Variants in OTOP1 observed in about 807,000 individuals in gnomAD.
OTOP1 encodes the protein otopetrin 1, also known as proton channel OTOP1.
A neutral mutation model predicts 52.9 loss-of-function variants in OTOP1; 59 were observed. The observed-to-expected ratio is 1.12, with a 90% CI of 0.91 to 1.39. The LOEUF (loss-of-function observed/expected upper bound fraction) is 1.39. Among genes scored for constraint, OTOP1 ranks in the 40% most tolerant of loss-of-function variants. The pLI, the probability that OTOP1 is intolerant of heterozygous loss-of-function variation, is 0.00. For synonymous variants in OTOP1, 317 were observed against 337.7 expected (o/e 0.94, Z 0.67); for missense variants, 761 against 800.9 (o/e 0.95, Z 0.60).
At chr4:4,220,105 A>ATATATTT (rs1434375771) in intron 1 of OTOP1, among the ~76,000 whole-genome samples, 11 of 59,394 alleles carry the variant, frequency 1.9e-4, no homozygotes, top group African/African-American at 4.6e-4. Flanking sequence ...ATATATATAT[A>ATATATTT]TTTTTTTTTT....
At position 4,211,025 on chromosome 4, in the gene OTOP1, C is replaced by T. The variant is rs1443386446; in HGVS notation, c.540+1843G>A. On this transcript the variant is annotated intron_variant, in intron 2 of 5. Coordinates refer to ENST00000296358, the MANE Select transcript of OTOP1 (RefSeq NM_177998.3). ...TAACAGCTTTCAAGTGCAAGGCAGCCCCTCCAAATGAGCCCCTCAGCAAGC... is the reference window on the plus strand; with the variant it reads ...TAACAGCTTTCAAGTGCAAGGCAGCTCCTCCAAATGAGCCCCTCAGCAAGC... Among the ~76,000 whole-genome samples the T allele has an allele frequency of 2.6e-5, 4 of 152,136 alleles. No homozygotes were observed. In the East Asian group the frequency reaches 7.7e-4, roughly 29 times the overall value.
chr4:4,206,022 C>A, intron 3 of OTOP1, 50 bp downstream of exon 3: 1 of 1,501,666 alleles, frequency 6.7e-7, no homozygotes, highest in South Asian at 1.1e-5. Flanking sequence ...TTTGAAAATT[C>A]TAAATGAATG....
chr4:4,217,549 C>T (rs1240642509), intron 1 of OTOP1, among the ~76,000 whole-genome samples: 1 of 152,062 alleles, frequency 6.6e-6, no homozygotes, highest in African/African-American at 2.4e-5. Context: ...AGGCATTGTC[C>T]CAGGCATTGA....
intron 2 of OTOP1, among the ~76,000 whole-genome samples, chr4:4,207,850 AGAT>A (rs1341891433): frequency 6.6e-6 from 1 of 152,224 alleles, no homozygotes; most frequent in Non-Finnish European, 1.5e-5. Flanking sequence ...CTTTCATTAC[AGAT>A]GATTTTGAGG....
At chr4:4,221,610 A>C (rs1163970499) in intron 1 of OTOP1, among the ~76,000 whole-genome samples, 1 of 152,034 alleles carries the variant, frequency 6.6e-6, no homozygotes, top group Non-Finnish European at 1.5e-5. Context: ...GCTAAGTCTC[A>C]CAGGTCATGC....
Position 4,202,472 on chromosome 4 carries a change from G to C in OTOP1, c.706C>G (p.Leu236Val). 2 of 1,613,988 alleles carry C rather than the reference G, an allele frequency of 1.2e-6. No homozygotes were observed. Among genetic ancestry groups the C allele is most frequent in the East Asian group, 2.2e-5 (1 of 44,868 alleles). ...LNEHKERLIT[L>V]GFGNITTVLD... is the part of the protein sequence containing the mutation. ...CCTGTTGTTATGTTCCCAAAACCCA[G>C]AGTGATGAGCCGTTCCTTGTGCTCA... is the stretch of plus-strand genomic sequence containing the variant. The change falls in exon 4 of 6, where the codon CTG (leucine) becomes GTG (valine). Residue 236 changes from leucine (L) to valine (V), a missense_variant. Leu to Val is a conservative substitution (Grantham distance 32, BLOSUM62 1). This residue lies in a region of OTOP1 where 632 missense variants were observed against 619.5 expected (regional missense o/e 1.02). Coordinates refer to ENST00000296358, the MANE Select transcript of OTOP1 (RefSeq NM_177998.3).
At chr4:4,224,649 A>C (rs1293628234) in intron 1 of OTOP1, among the ~76,000 whole-genome samples, 4 of 152,200 alleles carry the variant, frequency 2.6e-5, no homozygotes, top group African/African-American at 9.7e-5. Context: ...TCCCTAAAAC[A>C]ACCATTTTCA....
chr4:4,205,976 T>C, intron 3 of OTOP1, 96 bp downstream of exon 3: 7 of 1,074,204 alleles, frequency 6.5e-6, no homozygotes, highest in Non-Finnish European at 9.8e-6. Flanking sequence ...AGAGTTGGTC[T>C]GTTTTTATAA....
intron 1 of OTOP1, among the ~76,000 whole-genome samples, chr4:4,217,105 C>A (rs1048808657): frequency 3.3e-5 from 5 of 152,170 alleles, no homozygotes; most frequent in African/African-American, 1.2e-4. Flanking sequence ...GGAATAAATA[C>A]TTTACATATT....
chr4:4,226,258 G>A (rs1409554899), intron 1 of OTOP1, among the ~76,000 whole-genome samples: 4 of 151,478 alleles, frequency 2.6e-5, no homozygotes, highest in Non-Finnish European at 5.9e-5. Context: ...TGGAGGCGGA[G>A]AGGAGGCTCC....
intron 1 of OTOP1, among the ~76,000 whole-genome samples, chr4:4,215,973 A>G (rs1717138635): frequency 6.6e-6 from 1 of 151,824 alleles, no homozygotes. Context: ...AATTTTTTGT[A>G]TTTTTAGTAG....
At chr4:4,199,086 G>A (rs1716717435) in intron 4 of OTOP1, among the ~76,000 whole-genome samples, 1 of 152,084 alleles carries the variant, frequency 6.6e-6, no homozygotes, top group Non-Finnish European at 1.5e-5. Flanking sequence ...CTGCTTGGGA[G>A]GCTGAGGCAG....
Position 4,196,860 on chromosome 4 carries a change from G to A in OTOP1, c.1668+306C>T, listed in dbSNP as rs115735850. The stretch of plus-strand genomic sequence containing the variant: ...CCTTATCCTAAGTGAATTAACACAC[G>A]AACAGAAAACCAAATACCACATGTC... On this transcript the variant is annotated intron_variant, in intron 5 of 5. Transcript: ENST00000296358. Among the ~76,000 whole-genome samples, 276 of 152,300 alleles carry A rather than the reference G, an allele frequency of 1.8e-3. 2 individuals carry two copies. The highest frequency in any genetic ancestry group is 6.3e-3 in the African/African-American group (263 of 41,562).
intron 4 of OTOP1, among the ~76,000 whole-genome samples, chr4:4,198,767 G>C (rs1385825610): frequency 6.6e-6 from 1 of 152,150 alleles, no homozygotes; most frequent in East Asian, 1.9e-4. Context: ...CATCACAGGA[G>C]GGCAGATGCT....
chr4:4,215,090 A>C (rs1199475441), intron 1 of OTOP1, among the ~76,000 whole-genome samples: 3 of 151,998 alleles, frequency 2.0e-5, no homozygotes, highest in African/African-American at 7.2e-5. Context: ...AAGCAACCCC[A>C]TCTCTACCCA....
chr4:4,224,680 C>T (rs776282313), intron 1 of OTOP1, among the ~76,000 whole-genome samples: 5 of 152,250 alleles, frequency 3.3e-5, no homozygotes, highest in Non-Finnish European at 7.3e-5. Context: ...TTGGGCCACG[C>T]TGCAATGGTG....
chr4:4,225,112 C>A (rs1302281152), intron 1 of OTOP1, among the ~76,000 whole-genome samples: 1 of 152,210 alleles, frequency 6.6e-6, no homozygotes, highest in East Asian at 1.9e-4. Context: ...AAATTCAGGT[C>A]TAATATGAGA....
chr4:4,215,016 T>C (rs1312855602), intron 1 of OTOP1, among the ~76,000 whole-genome samples: 1 of 152,228 alleles, frequency 6.6e-6, no homozygotes, highest in Non-Finnish European at 1.5e-5. Context: ...GCATGGTGGC[T>C]CATGCCTGTA....
chr4:4,202,956 G>A (rs1485733784), intron 3 of OTOP1, among the ~76,000 whole-genome samples: 1 of 152,206 alleles, frequency 6.6e-6, no homozygotes, highest in African/African-American at 2.4e-5. Flanking sequence ...AGAACAATGA[G>A]GGAAAGATGA....
Sources: gnomAD v4.1 joint callset for allele counts (sites outside exome capture counted in the v4.1 genomes callset) on GRCh38, gnomAD v4.1.1 for gene constraint, gnomAD v4.1.1 regional missense constraint, MANE v1.5 for transcripts, NCBI Gene and HGNC (gene_info 2026-07-23, HGNC 2026-07-21) for gene names.